The following BAZ2B variants were observed in gnomAD, a reference collection of about 807,000 sequenced individuals.
BAZ2B encodes bromodomain adjacent to zinc finger domain protein 2B.
A neutral mutation model predicts 246.0 loss-of-function variants in BAZ2B; 91 were observed. The observed-to-expected ratio is 0.37, with a 90% CI of 0.31 to 0.44. The LOEUF (loss-of-function observed/expected upper bound fraction) is 0.44, where lower values mean the gene tolerates loss of function less well. BAZ2B is among the 20% of genes least tolerant of loss of function. The pLI, the probability that BAZ2B is intolerant of heterozygous loss-of-function variation, is 1.00. For synonymous variants in BAZ2B, 855 were observed against 860.0 expected, an observed-to-expected ratio of 0.99 and a Z score of 0.10; for missense variants, 2,332 against 2,533.7, an observed-to-expected ratio of 0.92 and a Z score of 1.71.
intron 27 of BAZ2B, among the ~76,000 whole-genome samples, chr2:159,360,020 G>A (rs1251506390): frequency 2.0e-5 from 3 of 152,184 alleles, no homozygotes; most frequent in Non-Finnish European, 4.4e-5. Flanking sequence ...GCAAAAGCTG[G>A]AAGCATTCCC....
At chr2:159,602,967 T>C (rs1393467232) in intron 1 of BAZ2B, among the ~76,000 whole-genome samples, 2 of 152,074 alleles carry the variant, frequency 1.3e-5, no homozygotes, top group Admixed American at 6.6e-5. Context: ...TGAAACCCAA[T>C]GTCTAATAAA....
At chr2:159,633,062 T>C in the BAZ2B span, among the ~76,000 whole-genome samples, 1 of 152,216 alleles carries the variant, frequency 6.6e-6, no homozygotes, top group South Asian at 2.1e-4. Context: ...TTTATTATTA[T>C]TTGTGAATTG....
At chr2:159,596,424 T>C (rs1186051483) in intron 1 of BAZ2B, among the ~76,000 whole-genome samples, 2 of 152,194 alleles carry the variant, frequency 1.3e-5, no homozygotes, top group African/African-American at 2.4e-5. Context: ...TAAAAGACAA[T>C]GAAGGACCTA....
chr2:159,496,646 G>C (rs1314062794), intron 2 of BAZ2B, among the ~76,000 whole-genome samples: 3 of 151,310 alleles, frequency 2.0e-5, no homozygotes, highest in African/African-American at 7.3e-5. Context: ...GCCGGGCATG[G>C]TGAGGCATGA....
chr2:159,387,737 T>C (rs888667839), intron 21 of BAZ2B, among the ~76,000 whole-genome samples: 1 of 152,118 alleles, frequency 6.6e-6, no homozygotes, highest in Non-Finnish European at 1.5e-5. Flanking sequence ...TGGACTTACA[T>C]ATTTGATATA....
intron 13 of BAZ2B, among the ~76,000 whole-genome samples, chr2:159,413,707 T>A (rs2067189937): frequency 7.0e-6 from 1 of 142,782 alleles, no homozygotes; most frequent in Admixed American, 6.7e-5. Flanking sequence ...AGACTTCATC[T>A]CTAAATAAAT....
In BAZ2B at chr2:159,532,417, T is replaced by G. The variant is rs143392236; in HGVS notation, c.-3+23406A>C. On this transcript the variant is annotated intron_variant, in intron 2 of 36. Transcript: ENST00000392783. ...TGTTCTCTACCAAATAAATAAAAAA[T>G]GAATTAAGGCCTATTATGTGCAAAA... Among the ~76,000 whole-genome samples the G allele has an allele frequency of 4.7e-3, 714 of 152,208 alleles. 5 individuals are homozygous for G. Among genetic ancestry groups the G allele is most frequent in the African/African-American group, 0.016 (679 of 41,552 alleles).
chr2:159,382,942 T>C lies in BAZ2B; in HGVS notation c.3762-140A>G, dbSNP rs2062174820. 12 of 1,167,702 alleles carry C rather than the reference T, an allele frequency of 1.0e-5. No homozygotes were observed. The South Asian group carries it at 2.3e-4, about 22-fold the overall frequency. The allele number at this position is 1,167,702 out of a possible 1,614,324, so 72.3% of individuals were successfully genotyped here. A position where few individuals can be genotyped will look rare whatever the true frequency, so the allele number is the denominator to read the frequency against. ...GCGATATACCAATGTTAAAAAAAATTAGAATTAGGAAACTTAAGAAATGTT... is the reference window on the plus strand; with the variant it reads ...GCGATATACCAATGTTAAAAAAAATCAGAATTAGGAAACTTAAGAAATGTT... On this transcript the variant is annotated intron_variant, in intron 24 of 36. Coordinates refer to ENST00000392783, the MANE Select transcript of BAZ2B (RefSeq NM_013450.4).
chr2:159,461,152 G>C (rs60420807), intron 3 of BAZ2B: 12,034 of 152,294 alleles, frequency 0.079, 648 homozygotes, highest in Middle Eastern at 0.16. Flanking sequence ...TTACATGTAT[G>C]TGGAGATAGG....
chr2:159,498,029 T>C (rs777679958), intron 2 of BAZ2B, among the ~76,000 whole-genome samples: 1 of 152,248 alleles, frequency 6.6e-6, no homozygotes, highest in African/African-American at 2.4e-5. Context: ...AAGCTGCTAA[T>C]TGCATGACTT....
intron 36 of BAZ2B, among the ~76,000 whole-genome samples, chr2:159,322,867 A>G (rs955569143): frequency 2.0e-5 from 3 of 152,122 alleles, no homozygotes; most frequent in Admixed American, 6.6e-5. Flanking sequence ...ATCCACTGAA[A>G]TTTTGCTTCC....
Position 159,366,861 on chromosome 2 carries a change from T to C in BAZ2B, c.4213+6184A>G, listed in dbSNP as rs1375965335. Among the ~76,000 whole-genome samples, 4 of 152,130 alleles carry C rather than the reference T, an allele frequency of 2.6e-5. No individual in the cohort carries two copies. In the East Asian group the frequency reaches 7.7e-4, roughly 29 times the overall value. On this transcript the variant is annotated intron_variant, in intron 27 of 36. Coordinates refer to ENST00000392783, the MANE Select transcript of BAZ2B (RefSeq NM_013450.4). ...ACTGAAGGCACCATTTAAAATCTAA[T>C]TGCTTTCTATTGCAGATGGGGACGC...
chr2:159,640,447 G>C, the BAZ2B span, among the ~76,000 whole-genome samples: 3 of 151,752 alleles, frequency 2.0e-5, no homozygotes, highest in Non-Finnish European at 4.4e-5. Flanking sequence ...CCATAAATTA[G>C]GTCACAAAAC....
chr2:159,378,462 A>G (rs1424156070), intron 25 of BAZ2B, among the ~76,000 whole-genome samples: 12 of 152,224 alleles, frequency 7.9e-5, no homozygotes, highest in Non-Finnish European at 2.9e-5. Context: ...AAGTGGCACT[A>G]TATCAAATTA....
chr2:159,404,725 TA>T, intron 16 of BAZ2B, 123 bp downstream of exon 16: 1 of 855,858 alleles, frequency 1.2e-6, no homozygotes, highest in Non-Finnish European at 1.7e-6. Flanking sequence ...AGCAACTTTC[TA>T]AATAAGACAC....
intron 2 of BAZ2B, among the ~76,000 whole-genome samples, chr2:159,554,574 GTTAAAC>G (rs1015075303): frequency 6.3e-4 from 95 of 151,736 alleles, no homozygotes; most frequent in African/African-American, 2.2e-3. Flanking sequence ...TCTGCAAAAT[GTTAAAC>G]TTAACAAATG....
chr2:159,324,742 C>T, intron 36 of BAZ2B, 69 bp downstream of exon 36: 1 of 1,133,024 alleles, frequency 8.8e-7, no homozygotes, highest in East Asian at 3.2e-5. Context: ...ATCTTTGGCT[C>T]ACTAAAAATA....
Position 159,334,982 on chromosome 2 carries a change from C to T in BAZ2B, c.5796+1960G>A, listed in dbSNP as rs567631875. Among the ~76,000 whole-genome samples, 105 of 152,082 alleles carry T rather than the reference C, an allele frequency of 6.9e-4. 2 individuals carry two copies. The South Asian group carries it at 0.01, about 15-fold the overall frequency. Reference sequence around the variant, plus strand: ...CAGTGGCTGTTCTCAAGTGTAATCACAGCACACTACAGCCTCGAACTCTTG... The same window carrying T: ...CAGTGGCTGTTCTCAAGTGTAATCATAGCACACTACAGCCTCGAACTCTTG... On this transcript the variant is annotated intron_variant, in intron 33 of 36. Coordinates refer to ENST00000392783, the MANE Select transcript of BAZ2B (RefSeq NM_013450.4).
chr2:159,340,831 G>T (rs549683965), intron 31 of BAZ2B, among the ~76,000 whole-genome samples: 32 of 152,072 alleles, frequency 2.1e-4, no homozygotes, highest in African/African-American at 6.7e-4. Flanking sequence ...AAAACTCACT[G>T]GGAAAGCTAA....
Sources: gnomAD v4.1 joint callset for allele counts (sites outside exome capture counted in the v4.1 genomes callset) on GRCh38, gnomAD v4.1.1 for gene constraint, MANE v1.5 for transcripts, NCBI Gene and HGNC (gene_info 2026-07-23, HGNC 2026-07-21) for gene names.